The following SPAG5 variants were observed in gnomAD, a reference collection of about 807,000 sequenced individuals.
SPAG5 encodes sperm associated antigen 5.
A neutral mutation model predicts 145.4 loss-of-function variants in SPAG5; 99 were observed. That is an observed-to-expected ratio of 0.68 (90% CI 0.58 to 0.80). The LOEUF (loss-of-function observed/expected upper bound fraction) is 0.80, where lower values mean the gene tolerates loss of function less well. SPAG5 is among the 30% of genes least tolerant of loss of function. The pLI, the probability that SPAG5 is intolerant of heterozygous loss-of-function variation, is 0.00. For missense variants in SPAG5, 1,192 were observed against 1,416.0 expected, an observed-to-expected ratio of 0.84 and a Z score of 2.54; for synonymous variants, 477 against 525.4, an observed-to-expected ratio of 0.91 and a Z score of 1.26.
intron 5 of SPAG5, 121 bp downstream of exon 5, chr17:28,586,304 A>G (rs1430668797): frequency 8.1e-7 from 1 of 1,228,634 alleles, no homozygotes. Context: ...TACTTTACAA[A>G]TGTTTGGAAA....
chr17:28,584,097 G>C, intron 13 of SPAG5, 53 bp downstream of exon 13: 2 of 1,609,386 alleles, frequency 1.2e-6, no homozygotes, highest in African/African-American at 2.7e-5. Flanking sequence ...TATCAGGCAA[G>C]AATCACACTC....
chr17:28,595,335 A>T (rs979188760), intron 2 of SPAG5, among the ~76,000 whole-genome samples: 2 of 152,176 alleles, frequency 1.3e-5, no homozygotes, highest in Non-Finnish European at 2.9e-5. Flanking sequence ...GACACACATA[A>T]AGAGATGTAT....
intron 16 of SPAG5, 73 bp from the exon 17 acceptor site, chr17:28,579,910 G>C (rs536620866): frequency 1.3e-6 from 2 of 1,547,622 alleles, no homozygotes; most frequent in East Asian, 4.5e-5. Flanking sequence ...ATGGAAGCCA[G>C]GGTAAGATAG....
In SPAG5 at chr17:28,578,768, A is replaced by C; in HGVS notation, c.3118-16T>G. The C allele has an allele frequency of 6.2e-7, 1 of 1,604,344 alleles. No individual in the cohort carries two copies. Among genetic ancestry groups the C allele is most frequent in the Non-Finnish European group, 8.5e-7 (1 of 1,171,272 alleles). On this transcript the variant is annotated splice_polypyrimidine_tract_variant and intron_variant, in intron 19 of 23. Transcript: ENST00000321765. ...CCTTTTCATTCTGTGAGGGAAAGGG[A>C]GGTGAGAAGACACATGAAGAGCTGG...
rs775109728 is a variant in SPAG5 at position 28,598,627 on chromosome 17, T to C, written c.60A>G (p.Pro20=). The part of the protein sequence containing the change: ...SLSPSPQTGK[P]SMRTPLRELT... The stretch of plus-strand genomic sequence containing the variant: ...GTTCACGGAGAGGAGTTCTCATAGA[T>C]GGTTTTCCCTGAGAAAGAAACCAAG... The change falls in exon 2 of 24, where the codon CCA becomes CCG. Residue 20 remains proline (P), a synonymous_variant. Coordinates refer to ENST00000321765, the MANE Select transcript of SPAG5 (RefSeq NM_006461.4). The C allele has an allele frequency of 1.9e-6, 3 of 1,593,484 alleles. No individual in the cohort carries two copies. The highest frequency in any genetic ancestry group is 1.1e-5 in the South Asian group (1 of 89,522).
intron 2 of SPAG5, among the ~76,000 whole-genome samples, chr17:28,593,830 C>T (rs2070641358): frequency 6.6e-6 from 1 of 151,936 alleles, no homozygotes; most frequent in African/African-American, 2.4e-5. Context: ...AGTACTTAAG[C>T]TTTAACTACA....
In SPAG5 at chr17:28,586,405, T is replaced by C. The variant is rs754095248; in HGVS notation, c.1512+20A>G. ...CTTCACAGGAGACCCAGTGGTGGTG[T>C]AAGGTCAATCATCACTTACCATGAC... On this transcript the variant is annotated intron_variant, in intron 5 of 23. Coordinates refer to ENST00000321765, the MANE Select transcript of SPAG5 (RefSeq NM_006461.4). 6.3e-7 allele frequency: 1 copy of C among 1,591,780 alleles called. No homozygotes were observed. Among genetic ancestry groups the C allele is most frequent in the South Asian group, 1.1e-5 (1 of 90,592 alleles).
At chr17:28,591,461 C>T (rs1208683259) in intron 4 of SPAG5, among the ~76,000 whole-genome samples, 4 of 152,192 alleles carry the variant, frequency 2.6e-5, no homozygotes, top group Non-Finnish European at 2.9e-5. Context: ...GATGGGATCT[C>T]GCTGTGTTGC....
intron 13 of SPAG5, 46 bp downstream of exon 13, chr17:28,584,104 A>G (rs1597595157): frequency 5.6e-6 from 9 of 1,609,238 alleles, no homozygotes; most frequent in Non-Finnish European, 7.7e-6. Flanking sequence ...CAAGAATCAC[A>G]CTCCTGAGGC....
chr17:28,590,894 CT>C (rs2070616979), intron 4 of SPAG5, among the ~76,000 whole-genome samples: 2 of 100,422 alleles, frequency 2.0e-5, no homozygotes, highest in Non-Finnish European at 2.1e-5. Context: ...AAAAAAAAAA[CT>C]AAAAGTATAA....
In SPAG5 at chr17:28,585,184, G is replaced by A. The variant is rs1481135618; in HGVS notation, c.1985C>T (p.Ser662Phe). ...TGTGAGTTTCTCTGTGAGTTGTCGG[G>A]ACCGACTCAGCAAAGCTGTCCATGT... is the stretch of plus-strand genomic sequence containing the variant. ...YTTWTALLSR[S>F]RQLTEKLTVK... Residue 662 changes from serine to phenylalanine, a missense_variant, in exon 10 of 24, where the codon TCC becomes TTC. Ser to Phe is a radical substitution (Grantham distance 155, BLOSUM62 -2). Around this residue, in one of 5 missense-constraint regions of SPAG5, gnomAD observed 709 missense variants for 840.7 expected, o/e 0.84. Transcript: ENST00000321765. The A allele has an allele frequency of 6.2e-7, 1 of 1,614,212 alleles. No homozygotes were observed. Among genetic ancestry groups the A allele is most frequent in the Non-Finnish European group, 8.5e-7 (1 of 1,180,034 alleles).
In SPAG5 at chr17:28,578,193, C is replaced by A. The variant is rs1417004199; in HGVS notation, c.3429+25G>T. The stretch of plus-strand genomic sequence containing the variant: ...TTTGTTAACGATGGTAGGAAATGGC[C>A]CTGGAATGGCATGGACATTCTTACA... On this transcript the variant is annotated intron_variant, in intron 22 of 23. Coordinates refer to ENST00000321765, the MANE Select transcript of SPAG5 (RefSeq NM_006461.4). The A allele has an allele frequency of 2.5e-6, 4 of 1,613,420 alleles. No individual in the cohort carries two copies. The African/African-American group carries it at 4.0e-5, about 16-fold the overall frequency.
intron 4 of SPAG5, among the ~76,000 whole-genome samples, chr17:28,591,185 C>T (rs1488359047): frequency 6.6e-6 from 1 of 152,126 alleles, no homozygotes; most frequent in African/African-American, 2.4e-5. Context: ...GATCTAAAAA[C>T]CAATTCCTTT....
Position 28,579,990 on chromosome 17 carries a change from A to C in SPAG5, c.2797+19T>G, listed in dbSNP as rs1242810983. The C allele has an allele frequency of 1.2e-6, 2 of 1,600,166 alleles. No homozygotes were observed. Among genetic ancestry groups the C allele is most frequent in the South Asian group, 2.2e-5 (2 of 90,656 alleles). On this transcript the variant is annotated intron_variant, in intron 16 of 23. Transcript: ENST00000321765. ...GCAGCGTCACAACTTTCCCACCCCC[A>C]AATCCCAGGGCCTTTAACCTTCATC...
Position 28,578,496 on chromosome 17 carries a change from G to A in SPAG5, c.3231C>T (p.Arg1077=). 6.2e-7 allele frequency: 1 copy of A among 1,611,958 alleles called. No homozygotes were observed. Among genetic ancestry groups the A allele is most frequent in the Admixed American group, 1.7e-5 (1 of 60,034 alleles). ...TCTCTGTCTCCGCACGCCGAAGTGA[G>A]CGGGTAAGGTGGGTCACCTCCTCTC... The part of the protein sequence containing the change: ...SLREEVTHLT[R]SLRRAETETK... The change falls in exon 21 of 24, where the codon CGC becomes CGT. Residue 1077 remains arginine (R), a synonymous_variant. Transcript: ENST00000321765.
chr17:28,589,755 C>T (rs2070608317), intron 4 of SPAG5, among the ~76,000 whole-genome samples: 1 of 151,766 alleles, frequency 6.6e-6, no homozygotes, highest in Non-Finnish European at 1.5e-5. Context: ...ACTAAAAATA[C>T]AAAAAAATTA....
In SPAG5 at chr17:28,578,200, T is replaced by C; in HGVS notation, c.3429+18A>G. The C allele has an allele frequency of 1.9e-6, 3 of 1,613,914 alleles. No individual in the cohort carries two copies. Among genetic ancestry groups the C allele is most frequent in the Non-Finnish European group, 2.5e-6 (3 of 1,179,782 alleles). ...ACGATGGTAGGAAATGGCCCTGGAA[T>C]GGCATGGACATTCTTACATGGCTCT... is the stretch of plus-strand genomic sequence containing the variant. On this transcript the variant is annotated intron_variant, in intron 22 of 23. Coordinates refer to ENST00000321765, the MANE Select transcript of SPAG5 (RefSeq NM_006461.4).
Position 28,585,139 on chromosome 17 carries a change from A to C in SPAG5, c.2030T>G (p.Leu677Arg), listed in dbSNP as rs1447288541. 1.9e-6 allele frequency: 3 copies of C among 1,614,080 alleles called. No homozygotes were observed. In the African/African-American group the frequency reaches 4.0e-5, roughly 22 times the overall value. Residue 677 changes from leucine to arginine, a missense_variant, in exon 10 of 24, where the codon CTG becomes CGG. Around this residue, in one of 5 missense-constraint regions of SPAG5, gnomAD observed 709 missense variants for 840.7 expected, o/e 0.84. Transcript: ENST00000321765. ...EKLTVKSQQA[L>R]QERDVAIEEK... ...CTCAATTGCCACATCACGTTCCTGC[A>C]GGGCTTGCTGGCTCTTGACTGTGAG...
rs2070562792 is a variant in SPAG5, at chr17:28,583,584, G to C, written c.2612C>G (p.Ser871Cys). 2 of 1,613,730 alleles carry C rather than the reference G, an allele frequency of 1.2e-6. No homozygotes were observed. Among genetic ancestry groups the C allele is most frequent in the Non-Finnish European group, 1.7e-6 (2 of 1,179,922 alleles). Residue 871 changes from serine to cysteine, a missense_variant, in exon 15 of 24, where the codon TCT becomes TGT. Ser to Cys is a moderately radical substitution (Grantham distance 112). Coordinates refer to ENST00000321765, the MANE Select transcript of SPAG5 (RefSeq NM_006461.4). ...CTCAGTCAGCAGCCCTAGCTTTTGA[G>C]AGTACTGCCGTGTTTTCTCCAGATC... ...EQDLEKTRQYSQKLGLLTEQL... is the reference protein window; with the variant it reads ...EQDLEKTRQYCQKLGLLTEQL...
Sources: gnomAD v4.1 joint callset for allele counts (sites outside exome capture counted in the v4.1 genomes callset) on GRCh38, gnomAD v4.1.1 for gene constraint, gnomAD v4.1.1 regional missense constraint, MANE v1.5 for transcripts, NCBI Gene and HGNC (gene_info 2026-07-23, HGNC 2026-07-21) for gene names.